The following SUPT5H variants were observed in gnomAD, a reference collection of about 807,000 sequenced individuals.
The protein encoded by SUPT5H is SPT5 homolog, DSIF elongation factor subunit.
Under a neutral mutation model 142.5 loss-of-function variants are expected in SUPT5H, and 24 were observed. The ratio of observed to expected loss-of-function variants is 0.17; its 90% CI spans 0.12 to 0.24. The LOEUF is 0.24. Ranked by LOEUF, SUPT5H falls within the 10% of genes least tolerant of loss-of-function variation. SUPT5H has a pLI of 1.00. For missense variants in SUPT5H, 893 were observed against 1,471.8 expected (o/e 0.61, Z 6.43); for synonymous variants, 546 against 553.0 (o/e 0.99, Z 0.18).
In SUPT5H at chr19:39,470,046, G is replaced by A. The variant is rs548130670; in HGVS notation, c.1375-73G>A. ...GTTTTTGAGAACATGCGTAGATTCT[G>A]AAGACAGGAGGGGCAGGCAGGTTGT... On this transcript the variant is annotated intron_variant, in intron 16 of 29. Transcript: ENST00000432763. The surrounding 1 kb of genome is among the most constrained non-coding windows in gnomAD (Gnocchi z 5.8). 1,330 of 1,558,778 alleles carry A rather than the reference G, an allele frequency of 8.5e-4. 1 individual carries two copies. Among genetic ancestry groups the A allele is most frequent in the Non-Finnish European group, 1.1e-3 (1,203 of 1,144,140 alleles).
rs756424809 is a variant in SUPT5H at position 39,472,517 on chromosome 19, G to C, written c.2035+24G>C. 8 of 1,612,368 alleles carry C rather than the reference G, an allele frequency of 5.0e-6. No individual in the cohort carries two copies. The highest frequency in any genetic ancestry group is 6.8e-6 in the Non-Finnish European group (8 of 1,178,754). ...AGGTGAGAGGGGTTCAGGGTCAGGG[G>C]ATGTGGTGGGTAGAAGGGGCTGGAA... On this transcript the variant is annotated intron_variant, in intron 21 of 29. Coordinates refer to ENST00000432763, the MANE Select transcript of SUPT5H (RefSeq NM_001111020.3). This position sits in a 1 kb window ranked among gnomAD's most constrained non-coding sequence, Gnocchi z 4.2.
chr19:39,460,161 A>G (rs905165624), intron 10 of SUPT5H: 2 of 588,842 alleles, frequency 3.4e-6, no homozygotes, highest in African/African-American at 1.9e-5. Flanking sequence ...TGTTCTCTGC[A>G]TTTATGGCAG....
In SUPT5H at chr19:39,472,226, G is replaced by A. The variant is rs963592751; in HGVS notation, c.1951-183G>A. 1.3e-5 allele frequency among the ~76,000 whole-genome samples: 2 copies of A among 152,196 alleles called. No homozygotes were observed. The highest frequency in any genetic ancestry group is 2.1e-4 in the South Asian group (1 of 4,834). ...TGAGCATTTTGGGGGAACAGCAAGT[G>A]CAAAGGCCCTGAGGTGGGGCTTGTA... On this transcript the variant is annotated intron_variant, in intron 20 of 29. Transcript: ENST00000432763. The surrounding 1 kb of genome is among the most constrained non-coding windows in gnomAD (Gnocchi z 4.2).
rs2079379628 is a variant in SUPT5H, at chr19:39,474,808, C to T, written c.3024+90C>T. On this transcript the variant is annotated intron_variant, in intron 28 of 29. Transcript: ENST00000432763. The surrounding 1 kb of genome is among the most constrained non-coding windows in gnomAD (Gnocchi z 6.5). ...CAGACCTGTCCCCAGATGGTGACAGCCCAGAGTGGGCAGAGCTGGGATTGA... is the reference window on the plus strand; with the variant it reads ...CAGACCTGTCCCCAGATGGTGACAGTCCAGAGTGGGCAGAGCTGGGATTGA... 2.1e-6 allele frequency: 3 copies of T among 1,399,626 alleles called. No homozygotes were observed. Among genetic ancestry groups the T allele is most frequent in the South Asian group, 2.6e-5 (2 of 75,710 alleles). 86.7% of individuals were successfully genotyped at this position (1,399,626 alleles called of 1,614,324 possible).
chr19:39,476,022 T>A (rs1368148732), intron 28 of SUPT5H, 59 bp from the exon 29 acceptor site: 19 of 1,494,070 alleles, frequency 1.3e-5, no homozygotes, highest in Non-Finnish European at 1.7e-5. Context: ...CCCTGGAGTA[T>A]GGGCCTCAGT....
Position 39,445,605 on chromosome 19 carries a change from G to A in SUPT5H, c.-120G>A, listed in dbSNP as rs1255135855. 1.4e-5 allele frequency: 6 copies of A among 438,280 alleles called. No homozygotes were observed. The highest frequency in any genetic ancestry group is 3.4e-5 in the Admixed American group (1 of 29,464). The allele number at this position is 438,280 out of a possible 1,614,324, so 27.1% of individuals were successfully genotyped here. The stretch of plus-strand genomic sequence containing the variant: ...CCAGTCAGGCGTCGTGCGAACAGCA[G>A]CTGGTACCGAAGGCGGAGGTGGAGC... On this transcript the variant is annotated 5_prime_UTR_variant, in exon 1 of 30. Transcript: ENST00000432763.
intron 3 of SUPT5H, among the ~76,000 whole-genome samples, chr19:39,457,092 A>G (rs2146090072): frequency 6.6e-6 from 1 of 152,366 alleles, no homozygotes; most frequent in East Asian, 1.9e-4. Context: ...GATTAAGTAC[A>G]TGGACCATGG....
rs2079289339 is a variant in SUPT5H, at chr19:39,469,507, A to T, written c.1374+109A>T. Reference sequence around the variant, plus strand: ...GGTGACACCTGGTTTCCAGGAGGGTAAGTTGAGGCCCTTCTAGCATTCTCA... The same window carrying T: ...GGTGACACCTGGTTTCCAGGAGGGTTAGTTGAGGCCCTTCTAGCATTCTCA... On this transcript the variant is annotated intron_variant, in intron 16 of 29. Transcript: ENST00000432763. This position sits in a 1 kb window ranked among gnomAD's most constrained non-coding sequence, Gnocchi z 5.1. 1 of 1,496,936 alleles carries T rather than the reference A, an allele frequency of 6.7e-7. No homozygotes were observed. The highest frequency in any genetic ancestry group is 9.1e-7 in the Non-Finnish European group (1 of 1,098,582). 92.7% of individuals were successfully genotyped at this position (1,496,936 alleles called of 1,614,324 possible).
intron 2 of SUPT5H, among the ~76,000 whole-genome samples, chr19:39,447,841 G>A (rs539795498): frequency 6.6e-6 from 1 of 152,324 alleles, no homozygotes; most frequent in South Asian, 2.1e-4. Flanking sequence ...CATTTTTGGA[G>A]TTGACATTTA....
intron 10 of SUPT5H, among the ~76,000 whole-genome samples, chr19:39,462,059 C>A (rs1018859106): frequency 6.6e-6 from 1 of 151,862 alleles, no homozygotes; most frequent in Non-Finnish European, 1.5e-5. Context: ...AGGCATCCGC[C>A]ACCATGCCCG....
At chr19:39,450,460 C>T (rs751626092) in intron 2 of SUPT5H, among the ~76,000 whole-genome samples, 10 of 152,140 alleles carry the variant, frequency 6.6e-5, no homozygotes, top group Non-Finnish European at 1.5e-4. Context: ...ACTTTTTATA[C>T]AGAAAACCAG....
Position 39,474,659 on chromosome 19 carries a change from C to A in SUPT5H, c.2965C>A (p.Arg989=). 1 of 1,614,088 alleles carries A rather than the reference C, an allele frequency of 6.2e-7. No individual in the cohort carries two copies. The highest frequency in any genetic ancestry group is 8.5e-7 in the Non-Finnish European group (1 of 1,179,992). Reference sequence around the variant, plus strand: ...AACCACTGACATTCAGGTGAAGGTGCGGGACACCTACCTGGATACACAGGT... The same window carrying A: ...AACCACTGACATTCAGGTGAAGGTGAGGGACACCTACCTGGATACACAGGT... The part of the protein sequence containing the change: ...WVTTDIQVKV[R]DTYLDTQVVG... Residue 989 remains arginine (R), a synonymous_variant, in exon 28 of 30, where the codon CGG becomes AGG. Transcript: ENST00000432763. The surrounding 1 kb of genome is among the most constrained non-coding windows in gnomAD (Gnocchi z 6.5).
rs994954477 is a variant in SUPT5H at position 39,474,275 on chromosome 19, C to T, written c.2693C>T (p.Pro898Leu). ...TTCTCTCCCTATGCTGCCCCCTCCCCACAAGGTTCCTACCAGCCCAGCCCC... is the reference window on the plus strand; with the variant it reads ...TTCTCTCCCTATGCTGCCCCCTCCCTACAAGGTTCCTACCAGCCCAGCCCC... ...DQFSPYAAPS[P>L]QGSYQPSPSP... Residue 898 changes from proline (P) to leucine (L), a missense_variant, in exon 27 of 30, where the codon CCA becomes CTA. Around this residue, in one of 6 missense-constraint regions of SUPT5H, gnomAD observed 336 missense variants for 546.5 expected, o/e 0.61. Transcript: ENST00000432763. This position sits in a 1 kb window ranked among gnomAD's most constrained non-coding sequence, Gnocchi z 6.5. 2 of 1,614,058 alleles carry T rather than the reference C, an allele frequency of 1.2e-6. No individual in the cohort carries two copies. The highest frequency in any genetic ancestry group is 2.2e-5 in the East Asian group (1 of 44,876).
intron 10 of SUPT5H, 123 bp downstream of exon 10, chr19:39,460,083 C>A: frequency 2.1e-6 from 2 of 959,396 alleles, no homozygotes; most frequent in Non-Finnish European, 3.3e-6. Context: ...GAGTGAGCTG[C>A]TTGAGCTGGA....
Position 39,469,957 on chromosome 19 carries a change from A to G in SUPT5H, c.1375-162A>G. ...GTCTGGGGTCAGCTGTTTCTGGGGC[A>G]GTCTGAGGGGTCGTCCAGGTGGACT... On this transcript the variant is annotated intron_variant, in intron 16 of 29. Transcript: ENST00000432763. This position sits in a 1 kb window ranked among gnomAD's most constrained non-coding sequence, Gnocchi z 5.1. 1 of 886,406 alleles carries G rather than the reference A, an allele frequency of 1.1e-6. No individual in the cohort carries two copies. The highest frequency in any genetic ancestry group is 1.7e-6 in the Non-Finnish European group (1 of 589,042). 54.9% of individuals were successfully genotyped at this position (886,406 alleles called of 1,614,324 possible).
rs2146119915 is a variant in SUPT5H, at chr19:39,469,917, A to G, written c.1375-202A>G. The G allele has an allele frequency of 4.9e-6, 3 of 617,612 alleles. No homozygotes were observed. The highest frequency in any genetic ancestry group is 2.0e-5 in the South Asian group (1 of 49,820). 38.3% of individuals were successfully genotyped at this position (617,612 alleles called of 1,614,324 possible). Reference sequence around the variant, plus strand: ...GGGCGGGCTGGGGTAAAGGTTGTCCAGGTTGGTGTCCTGTGTCTGGGGTCA... The same window carrying G: ...GGGCGGGCTGGGGTAAAGGTTGTCCGGGTTGGTGTCCTGTGTCTGGGGTCA... On this transcript the variant is annotated intron_variant, in intron 16 of 29. Coordinates refer to ENST00000432763, the MANE Select transcript of SUPT5H (RefSeq NM_001111020.3). The surrounding 1 kb of genome is among the most constrained non-coding windows in gnomAD (Gnocchi z 5.1).
rs1464680152 is a variant in SUPT5H, at chr19:39,458,407, C to T, written c.319+102C>T. 19 of 1,581,762 alleles carry T rather than the reference C, an allele frequency of 1.2e-5. No individual in the cohort carries two copies. The highest frequency in any genetic ancestry group is 1.7e-4 in the Middle Eastern group (1 of 5,920). On this transcript the variant is annotated intron_variant, in intron 5 of 29. Transcript: ENST00000432763. The surrounding 1 kb of genome is among the most constrained non-coding windows in gnomAD (Gnocchi z 4.2). ...TCACCGGTAGCCTCCCCACCAGCCC[C>T]GGTCTGGCCCTGAGGGCTCTGACCC... is the stretch of plus-strand genomic sequence containing the variant.
In SUPT5H at chr19:39,458,145, A is replaced by C; in HGVS notation, c.308-149A>C. The C allele has an allele frequency of 7.3e-7, 1 of 1,365,188 alleles. No homozygotes were observed. Among genetic ancestry groups the C allele is most frequent in the Non-Finnish European group, 9.8e-7 (1 of 1,023,172 alleles). 84.6% of individuals were successfully genotyped at this position (1,365,188 alleles called of 1,614,324 possible). ...TGCCTGGCCTTTACTTTTGGTTTTC[A>C]ACCTTTCTGTGTCCCTCCCTTCCCC... On this transcript the variant is annotated intron_variant, in intron 4 of 29. Coordinates refer to ENST00000432763, the MANE Select transcript of SUPT5H (RefSeq NM_001111020.3). The surrounding 1 kb of genome is among the most constrained non-coding windows in gnomAD (Gnocchi z 4.2).
chr19:39,461,491 A>G (rs2079160431), intron 10 of SUPT5H, among the ~76,000 whole-genome samples: 1 of 152,000 alleles, frequency 6.6e-6, no homozygotes, highest in Non-Finnish European at 1.5e-5. Context: ...GCCAGCCTGG[A>G]CATCATAGTG....
Sources: allele counts gnomAD v4.1 joint callset (sites outside exome capture counted in the v4.1 genomes callset), GRCh38; gene constraint gnomAD v4.1.1; regional missense constraint gnomAD v4.1.1; non-coding constraint Gnocchi (gnomAD v3.1); transcripts MANE v1.5; gene names NCBI Gene and HGNC (gene_info 2026-07-23, HGNC 2026-07-21).